The following USP36 variants were observed in gnomAD, a reference collection of about 807,000 sequenced individuals.
USP36 encodes the protein ubiquitin specific peptidase 36, also known as ubiquitin carboxyl-terminal hydrolase 36.
In USP36, 59 loss-of-function variants were observed where a neutral mutation model predicts 111.5. The observed-to-expected ratio is 0.53, with a 90% confidence interval of 0.43 to 0.66. USP36 has a LOEUF of 0.66. Ranked by LOEUF, USP36 falls within the 30% of genes least tolerant of loss-of-function variation. The pLI is 0.00. For synonymous variants in USP36, 628 were observed against 581.0 expected (o/e 1.08, Z -1.16); for missense variants, 1,488 against 1,468.0 (o/e 1.01, Z -0.22).
At chr17:78,816,494 C>T (rs1044456764) in intron 10 of USP36, among the ~76,000 whole-genome samples, 3 of 151,992 alleles carry the variant, frequency 2.0e-5, no homozygotes, top group Non-Finnish European at 1.5e-5. Context: ...AGCATGGTGG[C>T]ACACATTTGT....
chr17:78,836,288 T>C lies in USP36; in HGVS notation c.76A>G (p.Lys26Glu). 6.2e-7 allele frequency: 1 copy of C among 1,614,148 alleles called. No homozygotes were observed. Among genetic ancestry groups the C allele is most frequent in the Non-Finnish European group, 8.5e-7 (1 of 1,180,026 alleles). ...TTCTTGGCAGAGGAGGCAAGAAGCT[T>C]CCCCAGTTCTCCATCATCAGCCGAG... ...KDSADDGELG[K>E]LLASSAKKVL... is the part of the protein sequence containing the mutation. Residue 26 changes from lysine to glutamate, a missense_variant, in exon 3 of 21, where the codon AAG becomes GAG. By Grantham distance (56) the Lys-to-Glu change is moderately conservative. Coordinates refer to ENST00000449938, the MANE Select transcript of USP36 (RefSeq NM_001385174.1).
In USP36 at chr17:78,818,781, A is replaced by G. The variant is rs760056351; in HGVS notation, c.912-3T>C. The G allele has an allele frequency of 1.2e-6, 2 of 1,613,800 alleles. No homozygotes were observed. The highest frequency in any genetic ancestry group is 8.5e-7 in the Non-Finnish European group (1 of 1,179,756). On this transcript the variant is annotated splice_region_variant and splice_polypyrimidine_tract_variant and intron_variant, in intron 9 of 20. Coordinates refer to ENST00000449938, the MANE Select transcript of USP36 (RefSeq NM_001385174.1). ...TGGCTGGAACCTTCTTCTTGCATCT[A>G]TGAAGAAGGTGATGAGAAAGATTAA... is the stretch of plus-strand genomic sequence containing the variant.
At chr17:78,805,760 G>C (rs778884705) in intron 15 of USP36, among the ~76,000 whole-genome samples, 2 of 152,192 alleles carry the variant, frequency 1.3e-5, no homozygotes, top group Non-Finnish European at 2.9e-5. Flanking sequence ...AAAAACGCTC[G>C]GGACTCCGAG....
chr17:78,837,763 T>G (rs1209408597), intron 2 of USP36, among the ~76,000 whole-genome samples: 1 of 152,202 alleles, frequency 6.6e-6, no homozygotes, highest in Middle Eastern at 3.2e-3. Context: ...TGGTATTCAG[T>G]ACCCAGCCTG....
intron 4 of USP36, among the ~76,000 whole-genome samples, chr17:78,830,502 T>C (rs1179527343): frequency 1.3e-5 from 2 of 152,220 alleles, no homozygotes; most frequent in Non-Finnish European, 2.9e-5. Flanking sequence ...TGGGTCAGTT[T>C]CTCTAAAGTA....
At chr17:78,826,693 T>C (rs1599076224) in intron 6 of USP36, 2 of 188,608 alleles carry the variant, frequency 1.1e-5, no homozygotes, top group South Asian at 1.1e-4. Flanking sequence ...ACAAAGACAA[T>C]TTGTGATGGC....
chr17:78,812,279 G>A (rs181775206), intron 13 of USP36, among the ~76,000 whole-genome samples: 60 of 152,316 alleles, frequency 3.9e-4, no homozygotes, highest in African/African-American at 1.4e-3. Context: ...CCTGTAAGTG[G>A]TGCTGGTCTC....
intron 18 of USP36, 38 bp downstream of exon 18, chr17:78,799,629 A>G (rs1397626706): frequency 1.9e-6 from 3 of 1,599,642 alleles, no homozygotes; most frequent in African/African-American, 1.3e-5. Context: ...AAACCAACCA[A>G]TGAAAGGCAA....
intron 4 of USP36, among the ~76,000 whole-genome samples, chr17:78,835,010 TA>T (rs1339376369): frequency 6.7e-6 from 1 of 149,994 alleles, no homozygotes; most frequent in Non-Finnish European, 1.5e-5. Flanking sequence ...TATATATATA[TA>T]TATATATTTT....
chr17:78,821,198 A>G, intron 7 of USP36, 137 bp from the exon 8 acceptor site: 1 of 731,468 alleles, frequency 1.4e-6, no homozygotes, highest in Non-Finnish European at 2.2e-6. Context: ...CCCCTGAAGC[A>G]TCCTGGTGTC....
rs1156277749 is a variant in USP36 at position 78,806,243 on chromosome 17, G to A, written c.2129C>T (p.Pro710Leu). 6.2e-7 allele frequency: 1 copy of A among 1,613,706 alleles called. No individual in the cohort carries two copies. The highest frequency in any genetic ancestry group is 8.5e-7 in the Non-Finnish European group (1 of 1,180,002). ...GAGGTCGGAGGATGGTGAGGGGGGA[G>A]GTGGACGGAGGTCATTGCCGGTCGC... ...WRATGNDLRP[P>L]PPSPSSDLTH... The change falls in exon 15 of 21, where the codon CCT becomes CTT. Residue 710 changes from proline (P) to leucine (L), a missense_variant. Physicochemically the swap from Pro to Leu is moderately conservative, Grantham distance 98. Transcript: ENST00000449938.
chr17:78,805,033 T>G (rs2093860912), intron 15 of USP36, among the ~76,000 whole-genome samples: 1 of 152,048 alleles, frequency 6.6e-6, no homozygotes, highest in African/African-American at 2.4e-5. Context: ...GCAAGGCGTG[T>G]CCGGGACAGG....
At chr17:78,821,858 C>T in intron 7 of USP36, 79 bp downstream of exon 7, 6 of 1,535,002 alleles carry the variant, frequency 3.9e-6, no homozygotes, top group Non-Finnish European at 5.4e-6. Context: ...GAGCCCCAGC[C>T]TGCGTTCCAA....
intron 10 of USP36, among the ~76,000 whole-genome samples, chr17:78,817,329 T>C (rs1338280840): frequency 6.6e-6 from 1 of 152,218 alleles, no homozygotes; most frequent in Non-Finnish European, 1.5e-5. Context: ...ATTAAGAATC[T>C]GCAAACACAT....
At chr17:78,788,166 T>G (rs1290103967) in intron 3 of USP36, among the ~76,000 whole-genome samples, 1 of 152,100 alleles carries the variant, frequency 6.6e-6, no homozygotes, top group Non-Finnish European at 1.5e-5. Context: ...GTTATTTTAT[T>G]TATTTATTTT....
chr17:78,809,454 G>A (rs533464534), intron 13 of USP36, among the ~76,000 whole-genome samples: 1 of 152,262 alleles, frequency 6.6e-6, no homozygotes, highest in East Asian at 1.9e-4. Context: ...ATGTCATTTA[G>A]AGTAAAACGG....
chr17:78,811,112 C>G (rs1463481384), intron 13 of USP36, among the ~76,000 whole-genome samples: 1 of 121,660 alleles, frequency 8.2e-6, no homozygotes, highest in Non-Finnish European at 1.6e-5. Flanking sequence ...GCCTCAGTGA[C>G]AGAGCGAGAC....
chr17:78,831,394 C>A (rs552510511), intron 4 of USP36, among the ~76,000 whole-genome samples: 48 of 151,788 alleles, frequency 3.2e-4, no homozygotes, highest in Admixed American at 3.0e-3. Context: ...GGGTGGAACA[C>A]GTGAGGTCAA....
Position 78,796,909 on chromosome 17 carries a change from A to C in USP36, c.*991T>G, listed in dbSNP as rs554090654. The stretch of plus-strand genomic sequence containing the variant: ...TCTCTGAGGATTTCCTGTATTTATT[A>C]AGTTACAAGTTGGCAGGCACAGCTT... On this transcript the variant is annotated 3_prime_UTR_variant, in exon 21 of 21. Coordinates refer to ENST00000449938, the MANE Select transcript of USP36 (RefSeq NM_001385174.1). The C allele has an allele frequency of 2.3e-4, 35 of 152,370 alleles. No homozygotes were observed. The highest frequency in any genetic ancestry group is 7.9e-4 in the African/African-American group (33 of 41,586). 9.4% of individuals were successfully genotyped at this position (152,370 alleles called of 1,614,324 possible).
Sources: gnomAD v4.1 joint callset for allele counts (sites outside exome capture counted in the v4.1 genomes callset) on GRCh38, gnomAD v4.1.1 for gene constraint, MANE v1.5 for transcripts, NCBI Gene and HGNC (gene_info 2026-07-23, HGNC 2026-07-21) for gene names.